Variants in HNF4G observed in about 807,000 individuals in gnomAD.
HNF4G encodes the protein hepatocyte nuclear factor 4 gamma, also known as hepatocyte nuclear factor 4-gamma.
HNF4G carries 21 observed loss-of-function variants against 50.9 expected under a neutral mutation model. The ratio of observed to expected loss-of-function variants is 0.41; its 90% CI spans 0.29 to 0.59. The LOEUF (loss-of-function observed/expected upper bound fraction) is 0.59, where lower values mean the gene tolerates loss of function less well. Among genes scored for constraint, HNF4G ranks in the 20% least tolerant of loss-of-function variants. The probability of loss-of-function intolerance (pLI) is 0.26; values close to 1 mark genes in which losing one functional copy is unlikely to be tolerated. For missense variants in HNF4G, 527 were observed against 559.4 expected, an observed-to-expected ratio of 0.94 and a Z score of 0.58; for synonymous variants, 198 against 185.6, an observed-to-expected ratio of 1.07 and a Z score of -0.54.
chr8:75,551,891 G>T (rs1193503618), intron 4 of HNF4G, among the ~76,000 whole-genome samples: 1 of 152,132 alleles, frequency 6.6e-6, no homozygotes, highest in African/African-American at 2.4e-5. Context: ...CCTTGAAAAT[G>T]ACTTCTGGAT....
chr8:75,416,936 G>A (rs1405998089), intron 1 of HNF4G, among the ~76,000 whole-genome samples: 1 of 152,220 alleles, frequency 6.6e-6, no homozygotes, highest in African/African-American at 2.4e-5. Flanking sequence ...TACATTGTGA[G>A]ACATAAATAA....
At chr8:75,511,664 C>T (rs1476175990) in intron 2 of HNF4G, among the ~76,000 whole-genome samples, 1 of 152,216 alleles carries the variant, frequency 6.6e-6, no homozygotes, top group East Asian at 1.9e-4. Context: ...GATCTCGGCT[C>T]ACTGCAAGCT....
intron 1 of HNF4G, among the ~76,000 whole-genome samples, chr8:75,486,384 C>G (rs1812498138): frequency 6.6e-6 from 1 of 152,108 alleles, no homozygotes; most frequent in South Asian, 2.1e-4. Flanking sequence ...ATTTTAATAA[C>G]CAGATTTGAG....
intron 1 of HNF4G, among the ~76,000 whole-genome samples, chr8:75,439,106 T>A (rs1811210275): frequency 2.0e-5 from 3 of 152,058 alleles, no homozygotes; most frequent in Admixed American, 6.6e-5. Flanking sequence ...TTAAAATAAA[T>A]AACATTGTGC....
chr8:75,431,064 T>C (rs891668313), intron 1 of HNF4G, among the ~76,000 whole-genome samples: 13 of 151,946 alleles, frequency 8.6e-5, no homozygotes, highest in Admixed American at 6.6e-4. Flanking sequence ...AATTAACAAA[T>C]GAAAGTTGAA....
chr8:75,491,432 G>A (rs1295619246), intron 2 of HNF4G, among the ~76,000 whole-genome samples: 1 of 151,474 alleles, frequency 6.6e-6, no homozygotes, highest in African/African-American at 2.4e-5. Flanking sequence ...AATTTGAGAA[G>A]CACAAAAACA....
intron 1 of HNF4G, among the ~76,000 whole-genome samples, chr8:75,428,287 T>A (rs1693901639): frequency 6.6e-6 from 1 of 152,190 alleles, no homozygotes; most frequent in Admixed American, 6.5e-5. Context: ...GGTAAGTTAC[T>A]TGGTGTTTCA....
At chr8:75,420,623 T>C (rs1053637795) in intron 1 of HNF4G, among the ~76,000 whole-genome samples, 1 of 152,236 alleles carries the variant, frequency 6.6e-6, no homozygotes, top group Admixed American at 6.5e-5. Flanking sequence ...CACATAAACA[T>C]CATATGAATA....
At chr8:75,549,189 A>G (rs182191166) in intron 3 of HNF4G, among the ~76,000 whole-genome samples, 3 of 152,186 alleles carry the variant, frequency 2.0e-5, no homozygotes, top group South Asian at 2.1e-4. Context: ...AATAAACTGG[A>G]AAGTAATTTC....
intron 1 of HNF4G, among the ~76,000 whole-genome samples, chr8:75,463,058 G>GTTTTTTTTTTTTTTTTT: frequency 7.6e-6 from 1 of 131,040 alleles, no homozygotes; most frequent in Non-Finnish European, 1.6e-5. Context: ...ATGTCTGCTT[G>GTTTTTTTTTTTTTTTTT]TTTTTTTGTT....
chr8:75,461,203 G>GTAAAACAAA (rs1459789266), intron 1 of HNF4G, among the ~76,000 whole-genome samples: 1 of 152,070 alleles, frequency 6.6e-6, no homozygotes, highest in Non-Finnish European at 1.5e-5. Flanking sequence ...AGTACAAAAG[G>GTAAAACAAA]GGTTTTACTG....
At chr8:75,475,863 T>G (rs977688012) in intron 1 of HNF4G, among the ~76,000 whole-genome samples, 5 of 152,332 alleles carry the variant, frequency 3.3e-5, no homozygotes, top group African/African-American at 1.2e-4. Context: ...ACTGGCAATT[T>G]GTATGCGACA....
chr8:75,530,615 AT>A (rs1050730857), intron 2 of HNF4G, among the ~76,000 whole-genome samples: 1 of 152,100 alleles, frequency 6.6e-6, no homozygotes, highest in Non-Finnish European at 1.5e-5. Context: ...AAAATGTATG[AT>A]TTTGAGTTCA....
chr8:75,560,581 C>T lies in HNF4G; in HGVS notation c.1246+115C>T, dbSNP rs1807282431. On this transcript the variant is annotated intron_variant, in intron 9 of 9. Coordinates refer to ENST00000396423, the MANE Select transcript of HNF4G (RefSeq NM_004133.5). ...AATGGCAAAAACTTGGTGTAATTTC[C>T]CATCTGAGACTCAGCAGTAGAAGAC... 33 of 835,226 alleles carry T rather than the reference C, an allele frequency of 4.0e-5. 1 individual carries two copies. The South Asian group carries it at 5.5e-4, about 14-fold the overall frequency. 51.7% of individuals were successfully genotyped at this position (835,226 alleles called of 1,614,324 possible). A position where few individuals can be genotyped will look rare whatever the true frequency, so the allele number is the denominator to read the frequency against.
chr8:75,555,563 C>T (rs1807091460), intron 5 of HNF4G, among the ~76,000 whole-genome samples: 1 of 100,096 alleles, frequency 1.0e-5, no homozygotes. Context: ...CTCATGAGTA[C>T]ATGATGAGAT....
intron 3 of HNF4G, 72 bp from the exon 4 acceptor site, chr8:75,551,316 A>C (rs572863725): frequency 3.7e-6 from 3 of 805,524 alleles, no homozygotes; most frequent in East Asian, 2.6e-5. Flanking sequence ...TAAAAAAAAA[A>C]CTCCTTAAAA....
chr8:75,448,748 T>G (rs1330431145), intron 1 of HNF4G, among the ~76,000 whole-genome samples: 1 of 151,788 alleles, frequency 6.6e-6, no homozygotes, highest in East Asian at 1.9e-4. Flanking sequence ...ATAAGGAAAA[T>G]TTTCCAAATA....
At chr8:75,460,011 A>G (rs1224022087) in intron 1 of HNF4G, among the ~76,000 whole-genome samples, 1 of 152,134 alleles carries the variant, frequency 6.6e-6, no homozygotes, top group Non-Finnish European at 1.5e-5. Context: ...CCTTGTAGAT[A>G]CTAATTAACT....
At chr8:75,540,211 A>G in intron 1 of HNF4G, 131 bp downstream of exon 1, 1 of 576,224 alleles carries the variant, frequency 1.7e-6, no homozygotes, top group Non-Finnish European at 3.1e-6. Context: ...TTAAGGCCAC[A>G]GATCTGAGCT....
Sources: gnomAD v4.1 joint callset for allele counts (sites outside exome capture counted in the v4.1 genomes callset) on GRCh38, gnomAD v4.1.1 for gene constraint, MANE v1.5 for transcripts, NCBI Gene and HGNC (gene_info 2026-07-23, HGNC 2026-07-21) for gene names.